The following DKK2 variants were observed in gnomAD, a reference collection of about 807,000 sequenced individuals.
DKK2 encodes the protein dickkopf-related protein 2.
DKK2 carries 11 observed loss-of-function variants against 28.1 expected under a neutral mutation model. The observed-to-expected ratio is 0.39, with a 90% CI of 0.25 to 0.65. DKK2 has a LOEUF of 0.65. Among genes scored for constraint, DKK2 ranks in the 30% least tolerant of loss-of-function variants. The pLI, the probability that DKK2 is intolerant of heterozygous loss-of-function variation, is 0.47. For missense variants in DKK2, 326 were observed against 335.5 expected (o/e 0.97, Z 0.22); for synonymous variants, 135 against 126.5 (o/e 1.07, Z -0.45).
In DKK2 at chr4:106,921,962, A is replaced by T. The variant is rs139712120; in HGVS notation, c.*1992T>A. 1 of 152,738 alleles carries T rather than the reference A, an allele frequency of 6.5e-6. No homozygotes were observed. Among genetic ancestry groups the T allele is most frequent in the African/African-American group, 2.4e-5 (1 of 41,582 alleles). 9.5% of individuals were successfully genotyped at this position (152,738 alleles called of 1,614,324 possible). On this transcript the variant is annotated 3_prime_UTR_variant, in exon 4 of 4. Transcript: ENST00000285311. ...CATTAACATTTCCTGTAAATAAATT[A>T]CTTCAAATAATAATTTTTAAAAGGG...
intron 1 of DKK2, among the ~76,000 whole-genome samples, chr4:106,932,662 G>C (rs1724520893): frequency 6.6e-6 from 1 of 152,084 alleles, no homozygotes; most frequent in Non-Finnish European, 1.5e-5. Context: ...AGCATCTCAG[G>C]TTTTACAGCA....
At chr4:107,023,048 A>T (rs1336829491) in intron 1 of DKK2, among the ~76,000 whole-genome samples, 1 of 152,122 alleles carries the variant, frequency 6.6e-6, no homozygotes, top group Admixed American at 6.6e-5. Context: ...GAAGGTGGAT[A>T]TATAGAACTT....
chr4:106,971,530 G>T (rs1197894418), intron 1 of DKK2, among the ~76,000 whole-genome samples: 1 of 152,010 alleles, frequency 6.6e-6, no homozygotes, highest in East Asian at 1.9e-4. Context: ...CCAGACCACA[G>T]AAATGCTAAG....
At chr4:106,959,568 C>T (rs180939270) in intron 1 of DKK2, among the ~76,000 whole-genome samples, 3 of 152,044 alleles carry the variant, frequency 2.0e-5, no homozygotes, top group South Asian at 2.1e-4. Flanking sequence ...GTAAACTTCC[C>T]ATAAGTAACT....
intron 1 of DKK2, among the ~76,000 whole-genome samples, chr4:106,975,042 AT>A (rs1370790665): frequency 6.6e-6 from 1 of 152,070 alleles, no homozygotes; most frequent in African/African-American, 2.4e-5. Flanking sequence ...GATGGGTTAC[AT>A]TTGTTGATTT....
chr4:106,975,495 C>A (rs1415139484), intron 1 of DKK2, among the ~76,000 whole-genome samples: 2 of 152,096 alleles, frequency 1.3e-5, no homozygotes, highest in Non-Finnish European at 2.9e-5. Flanking sequence ...AGGAATTTAT[C>A]CATTTCTTTT....
intron 1 of DKK2, among the ~76,000 whole-genome samples, chr4:106,987,653 C>G (rs956043290): frequency 1.3e-5 from 2 of 151,786 alleles, no homozygotes; most frequent in Admixed American, 6.6e-5. Flanking sequence ...TCTTTGATTC[C>G]AGTTTTGGCA....
At chr4:106,965,956 T>G (rs886262204) in intron 1 of DKK2, among the ~76,000 whole-genome samples, 1 of 151,520 alleles carries the variant, frequency 6.6e-6, no homozygotes, top group Non-Finnish European at 1.5e-5. Flanking sequence ...TGGTATTCCA[T>G]GGTGTATATG....
intron 1 of DKK2, among the ~76,000 whole-genome samples, chr4:106,951,371 G>C (rs1472918801): frequency 1.3e-5 from 2 of 152,018 alleles, no homozygotes; most frequent in Non-Finnish European, 2.9e-5. Flanking sequence ...ATATCAAAAG[G>C]ATACCTACAT....
At chr4:106,997,908 C>T (rs922447967) in intron 1 of DKK2, among the ~76,000 whole-genome samples, 3 of 152,120 alleles carry the variant, frequency 2.0e-5, no homozygotes, top group African/African-American at 7.2e-5. Flanking sequence ...AAAATGGATT[C>T]CATTAGAGTG....
At chr4:106,933,255 T>C (rs939144384) in intron 1 of DKK2, among the ~76,000 whole-genome samples, 1 of 152,188 alleles carries the variant, frequency 6.6e-6, no homozygotes, top group African/African-American at 2.4e-5. Flanking sequence ...TGACAATGCC[T>C]GGTCTGTATA....
intron 1 of DKK2, among the ~76,000 whole-genome samples, chr4:106,936,278 G>A (rs1261178320): frequency 6.6e-6 from 1 of 152,088 alleles, no homozygotes; most frequent in African/African-American, 2.4e-5. Context: ...TAAAGGAGCT[G>A]ATGGAGCTGA....
In DKK2 at chr4:106,924,246, GA is replaced by G. The variant is rs763233866; in HGVS notation, c.530-43del. On this transcript the variant is annotated intron_variant, in intron 3 of 3. Coordinates refer to ENST00000285311, the MANE Select transcript of DKK2 (RefSeq NM_014421.3). The stretch of plus-strand genomic sequence containing the variant: ...CAATAGATGTTACCCTGACACTTCA[GA>G]AAAAAAAAATTCTATTTTGCAATCA... 3,549 of 1,493,498 alleles carry G rather than the reference GA, an allele frequency of 2.4e-3. 9 individuals carry two copies. The highest frequency in any genetic ancestry group is 2.6e-3 in the Non-Finnish European group (2,902 of 1,108,062). 92.5% of individuals were successfully genotyped at this position (1,493,498 alleles called of 1,614,324 possible).
At chr4:106,954,269 G>C (rs1034897849) in intron 1 of DKK2, among the ~76,000 whole-genome samples, 12 of 152,084 alleles carry the variant, frequency 7.9e-5, no homozygotes, top group African/African-American at 2.9e-4. Flanking sequence ...CTGTGCATAT[G>C]AACTTCAAAG....
chr4:107,030,593 A>G (rs1723862067), intron 1 of DKK2, among the ~76,000 whole-genome samples: 1 of 152,200 alleles, frequency 6.6e-6, no homozygotes, highest in Admixed American at 6.5e-5. Flanking sequence ...GACTAGAGGC[A>G]TAAGGAAGTA....
At chr4:106,930,723 A>G (rs1043956698) in intron 1 of DKK2, among the ~76,000 whole-genome samples, 1 of 152,134 alleles carries the variant, frequency 6.6e-6, no homozygotes. Context: ...TTCTGGAGCC[A>G]GAAAAACATC....
intron 1 of DKK2, among the ~76,000 whole-genome samples, chr4:106,970,561 T>C (rs1722855864): frequency 6.6e-6 from 1 of 152,074 alleles, no homozygotes; most frequent in African/African-American, 2.4e-5. Context: ...AATCTCTTGA[T>C]TGACAATCCC....
At chr4:106,971,368 A>G (rs913133693) in intron 1 of DKK2, among the ~76,000 whole-genome samples, 1 of 151,804 alleles carries the variant, frequency 6.6e-6, no homozygotes, top group East Asian at 1.9e-4. Flanking sequence ...TTTCAAAACT[A>G]ATTATTAAAC....
intron 1 of DKK2, among the ~76,000 whole-genome samples, chr4:107,004,849 T>G (rs1194226926): frequency 6.6e-6 from 1 of 152,000 alleles, no homozygotes; most frequent in Non-Finnish European, 1.5e-5. Context: ...GGGAGGAAGG[T>G]TTGAGATATG....
Sources: allele counts gnomAD v4.1 joint callset (sites outside exome capture counted in the v4.1 genomes callset), GRCh38; gene constraint gnomAD v4.1.1; transcripts MANE v1.5; gene names NCBI Gene and HGNC (gene_info 2026-07-23, HGNC 2026-07-21).